Variants in NCOA2 observed in about 807,000 individuals in gnomAD.
NCOA2 encodes class E basic helix-loop-helix protein 75.
A neutral mutation model predicts 145.1 loss-of-function variants in NCOA2; 21 were observed. That is an observed-to-expected ratio of 0.14 (90% CI 0.10 to 0.21). The LOEUF is 0.21. NCOA2 is among the 10% of genes least tolerant of loss of function. The pLI is 1.00. For missense variants in NCOA2, 1,472 were observed against 1,837.6 expected (o/e 0.80, Z 3.64); for synonymous variants, 619 against 637.5 (o/e 0.97, Z 0.44).
At chr8:70,451,372 C>T in the NCOA2 span, among the ~76,000 whole-genome samples, 7 of 132,448 alleles carry the variant, frequency 5.3e-5, no homozygotes, top group African/African-American at 8.7e-5. Context: ...CACCCCACTG[C>T]ACTCCAGCCT....
At chr8:70,213,267 T>C (rs1054542750) in intron 4 of NCOA2, among the ~76,000 whole-genome samples, 2 of 152,158 alleles carry the variant, frequency 1.3e-5, no homozygotes, top group African/African-American at 4.8e-5. Context: ...AAATGTGTTC[T>C]TAAAAACATT....
At chr8:70,317,437 ACC>A (rs1402103898) in intron 1 of NCOA2, among the ~76,000 whole-genome samples, 1 of 152,198 alleles carries the variant, frequency 6.6e-6, no homozygotes, top group African/African-American at 2.4e-5. Context: ...GCATTGCACA[ACC>A]CAACACTGTG....
At chr8:70,402,833 C>T (rs1335274623) in intron 1 of NCOA2, among the ~76,000 whole-genome samples, 2 of 149,284 alleles carry the variant, frequency 1.3e-5, no homozygotes, top group Non-Finnish European at 3.0e-5. Flanking sequence ...CCAGAAAGTT[C>T]AGTCAGGGGC....
At position 70,237,673 on chromosome 8, in the gene NCOA2, G is replaced by A. The variant is rs529873142; in HGVS notation, c.-19-20909C>T. On this transcript the variant is annotated intron_variant, in intron 2 of 22. Coordinates refer to ENST00000452400, the MANE Select transcript of NCOA2 (RefSeq NM_006540.4). ...TAGTTCCACAAACCAGGGAGGCTGAGGTGAGAGGACTGCTTGAGCCCAGAA... is the reference window on the plus strand; with the variant it reads ...TAGTTCCACAAACCAGGGAGGCTGAAGTGAGAGGACTGCTTGAGCCCAGAA... Among the ~76,000 whole-genome samples the A allele has an allele frequency of 3.9e-5, 6 of 152,198 alleles. No individual in the cohort carries two copies. In the East Asian group the frequency reaches 9.7e-4, roughly 24 times the overall value.
chr8:70,156,715 T>G lies in NCOA2; in HGVS notation c.1650A>C (p.Ser550=). 1 of 1,613,970 alleles carries G rather than the reference T, an allele frequency of 6.2e-7. No individual in the cohort carries two copies. Among genetic ancestry groups the G allele is most frequent in the Non-Finnish European group, 8.5e-7 (1 of 1,179,870 alleles). ...LSEGHGVSLG[S]SLASPDLKMG... is the part of the protein sequence containing the mutation. ...TTTTTAGGTCTGGTGAAGCCAACGA[T>G]GACCCTAATGAGACCCCGTGCCCCT... The change falls in exon 11 of 23, where the codon TCA becomes TCC. Residue 550 remains serine (S), a synonymous_variant. Coordinates refer to ENST00000452400, the MANE Select transcript of NCOA2 (RefSeq NM_006540.4).
chr8:70,257,732 G>A (rs1823756439), intron 2 of NCOA2, among the ~76,000 whole-genome samples: 1 of 151,334 alleles, frequency 6.6e-6, no homozygotes, highest in African/African-American at 2.4e-5. Flanking sequence ...CTGAAGTCTT[G>A]TACAACTTGG....
Position 70,357,799 on chromosome 8 carries a change from T to TGA in NCOA2, c.-77+45899_-77+45900dup, listed in dbSNP as rs1809858165. Among the ~76,000 whole-genome samples the TGA allele has an allele frequency of 4.0e-5, 6 of 151,234 alleles. No homozygotes were observed. The South Asian group carries it at 1.3e-3, about 32-fold the overall frequency. ...AGCACAGTGGCTCACACCTGTAATG[T>TGA]GAGCACTTTGGGAGGCCAAGGCGAG... is the stretch of plus-strand genomic sequence containing the variant. On this transcript the variant is annotated intron_variant, in intron 1 of 22. Transcript: ENST00000452400.
chr8:70,320,111 AATAG>A (rs796212008), intron 1 of NCOA2, among the ~76,000 whole-genome samples: 4 of 152,290 alleles, frequency 2.6e-5, no homozygotes, highest in African/African-American at 7.2e-5. Context: ...TGAAATCTTA[AATAG>A]ATATTCATGA....
At chr8:70,233,454 T>C (rs2926719) in intron 2 of NCOA2, among the ~76,000 whole-genome samples, 96,962 of 152,050 alleles carry the variant, frequency 0.64, 32,898 homozygotes, top group Non-Finnish European at 0.76. Context: ...AATTTTGAGA[T>C]TCAAATAAGG....
chr8:70,258,636 A>G (rs1432236537), intron 2 of NCOA2, among the ~76,000 whole-genome samples: 1 of 151,894 alleles, frequency 6.6e-6, no homozygotes, highest in African/African-American at 2.4e-5. Flanking sequence ...CTTCTTTCCA[A>G]TCCCTCTACA....
the NCOA2 span, among the ~76,000 whole-genome samples, chr8:70,412,793 A>T: frequency 1.3e-5 from 2 of 152,130 alleles, no homozygotes; most frequent in Non-Finnish European, 2.9e-5. Context: ...ACTTAACACC[A>T]CTTAACATAA....
chr8:70,218,855 A>G (rs1819890170), intron 2 of NCOA2, among the ~76,000 whole-genome samples: 1 of 152,192 alleles, frequency 6.6e-6, no homozygotes, highest in South Asian at 2.1e-4. Flanking sequence ...AATGCCCTAT[A>G]TAGTAGGTAT....
chr8:70,327,786 A>AGAT (rs1472692987), intron 1 of NCOA2, among the ~76,000 whole-genome samples: 1 of 152,234 alleles, frequency 6.6e-6, no homozygotes, highest in Non-Finnish European at 1.5e-5. Flanking sequence ...AGCTGAATGT[A>AGAT]GATAGATGGA....
chr8:70,452,387 A>T, the NCOA2 span, among the ~76,000 whole-genome samples: 1 of 152,226 alleles, frequency 6.6e-6, no homozygotes, highest in African/African-American at 2.4e-5. Context: ...AAACTACAAG[A>T]TACCATGTCA....
intron 16 of NCOA2, among the ~76,000 whole-genome samples, chr8:70,131,188 T>A (rs1809054160): frequency 7.3e-6 from 1 of 137,292 alleles, no homozygotes; most frequent in Admixed American, 7.1e-5. Flanking sequence ...GACATTTTAT[T>A]TTTTTTTTGG....
the NCOA2 span, among the ~76,000 whole-genome samples, chr8:70,420,910 T>G: frequency 6.6e-6 from 1 of 152,206 alleles, no homozygotes; most frequent in Non-Finnish European, 1.5e-5. Flanking sequence ...CCCAAAGTGC[T>G]GGGATTACAG....
chr8:70,344,722 G>T (rs997551960), intron 1 of NCOA2, among the ~76,000 whole-genome samples: 1 of 152,170 alleles, frequency 6.6e-6, no homozygotes, highest in Non-Finnish European at 1.5e-5. Context: ...GCAGGAGAGA[G>T]AGTGCTCCAG....
intron 3 of NCOA2, among the ~76,000 whole-genome samples, chr8:70,216,350 C>A (rs1357210518): frequency 6.6e-6 from 1 of 152,130 alleles, no homozygotes; most frequent in Admixed American, 6.5e-5. Flanking sequence ...AAATTAACGG[C>A]AAATCCTTTT....
chr8:70,129,691 G>A (rs987411620), intron 16 of NCOA2, among the ~76,000 whole-genome samples: 47 of 151,016 alleles, frequency 3.1e-4, no homozygotes, highest in African/African-American at 1.1e-3. Flanking sequence ...TTTTTTTTGA[G>A]ACGGAGTTTC....
Sources: allele counts gnomAD v4.1 joint callset (sites outside exome capture counted in the v4.1 genomes callset), GRCh38; gene constraint gnomAD v4.1.1; transcripts MANE v1.5; gene names NCBI Gene and HGNC (gene_info 2026-07-23, HGNC 2026-07-21).